Variants in NPIPA5 observed in about 807,000 individuals in gnomAD.
The protein encoded by NPIPA5 is nuclear pore complex-interacting protein family member A5.
NPIPA5 carries 6 observed loss-of-function variants against 21.4 expected under a neutral mutation model. The ratio of observed to expected loss-of-function variants is 0.28; its 90% CI spans 0.15 to 0.55. The LOEUF is 0.55. Among genes scored for constraint, NPIPA5 ranks in the 20% least tolerant of loss-of-function variants. NPIPA5 has a pLI of 0.93. For synonymous variants in NPIPA5, 33 were observed against 115.3 expected (o/e 0.29, Z 4.57); for missense variants, 99 against 318.2 (o/e 0.31, Z 5.24).
At chr16:15,379,308 A>T (rs62037841), upstream of NPIPA5, among the ~76,000 whole-genome samples, 7 of 151,990 alleles carry the variant, frequency 4.6e-5, no homozygotes, top group Admixed American at 2.0e-4. Flanking sequence ...GGTGGCTCAC[A>T]CCTGTAATCC....
chr16:15,380,653 T>A (rs4123762), upstream of NPIPA5, among the ~76,000 whole-genome samples: 75 of 151,770 alleles, frequency 4.9e-4, 1 homozygote, highest in South Asian at 4.2e-3. Flanking sequence ...ATAACCTTTT[T>A]AAGTGTCGTT....
At chr16:15,370,286 G>A (rs2050115302) in intron 2 of NPIPA5, among the ~76,000 whole-genome samples, 167 bp from the exon 3 acceptor site, 1 of 145,084 alleles carries the variant, frequency 6.9e-6, no homozygotes, top group Non-Finnish European at 1.5e-5. Context: ...AATTAGCCGG[G>A]CATGGCAGTG....
intron 1 of NPIPA5, among the ~76,000 whole-genome samples, chr16:15,377,713 G>GGGA (rs548977986): frequency 0.16 from 14,359 of 88,042 alleles, 1,591 homozygotes; most frequent in Non-Finnish European, 0.22. Context: ...GGGGCTGTTG[G>GGGA]GGAGGAGGAG....
At chr16:15,369,091 G>A (rs1332322057) in intron 4 of NPIPA5, among the ~76,000 whole-genome samples, 3 of 149,108 alleles carry the variant, frequency 2.0e-5, no homozygotes, top group African/African-American at 7.4e-5. Context: ...GGCAGAGGTT[G>A]CAGTGAGCCA....
chr16:15,372,697 C>A lies in NPIPA5; in HGVS notation c.192+1018G>T, dbSNP rs868259160. ...ACATACTTCCTCTTCCCTTGAATAT[C>A]AAAAAGCATTGTGGTATTAGTACTT... On this transcript the variant is annotated intron_variant, in intron 2 of 7. Coordinates refer to ENST00000360151, the MANE Select transcript of NPIPA5 (RefSeq NM_001277325.2). Among the ~76,000 whole-genome samples the A allele has an allele frequency of 4.8e-5, 7 of 145,964 alleles. 1 individual carries two copies. Among genetic ancestry groups the A allele is most frequent in the Non-Finnish European group, 7.5e-5 (5 of 66,282 alleles).
chr16:15,371,525 G>T (rs1032237727), intron 2 of NPIPA5, among the ~76,000 whole-genome samples: 2 of 147,040 alleles, frequency 1.4e-5, no homozygotes, highest in African/African-American at 4.9e-5. Context: ...CTTTTTTCTT[G>T]AGACGGAGTG....
At chr16:15,377,587 G>A (rs909977395) in intron 1 of NPIPA5, among the ~76,000 whole-genome samples, 11 of 140,440 alleles carry the variant, frequency 7.8e-5, no homozygotes, top group African/African-American at 2.6e-4. Flanking sequence ...AGGGCAGGGC[G>A]GAGGGAAGGG....
At chr16:15,369,527 A>G (rs1462171931) in intron 4 of NPIPA5, among the ~76,000 whole-genome samples, 185 bp downstream of exon 4, 1 of 152,072 alleles carries the variant, frequency 6.6e-6, no homozygotes, top group Non-Finnish European at 1.5e-5. Context: ...AAAATGACAA[A>G]CAAGATTGTA....
chr16:15,366,848 A>T, intron 4 of NPIPA5, 88 bp from the exon 5 acceptor site: 1 of 1,522,344 alleles, frequency 6.6e-7, no homozygotes, highest in Non-Finnish European at 8.7e-7. Flanking sequence ...TGTGATTCAA[A>T]GATCCCCCCT....
chr16:15,370,361 G>A lies in NPIPA5; in HGVS notation c.193-242C>T, dbSNP rs2050117531. 2.1e-5 allele frequency among the ~76,000 whole-genome samples: 3 copies of A among 140,858 alleles called. 1 individual carries two copies. The highest frequency in any genetic ancestry group is 5.2e-5 in the African/African-American group (2 of 38,764). The allele number at this position is 140,858 out of a possible 152,430, so 92.4% of individuals were successfully genotyped here. ...GAACCGTTTGAAGCTGGGAGGTGGA[G>A]GTTGCAGTGAGCCGAGATCACACCA... On this transcript the variant is annotated intron_variant, in intron 2 of 7. Transcript: ENST00000360151.
upstream of NPIPA5, among the ~76,000 whole-genome samples, chr16:15,379,027 C>A (rs1393334705): frequency 3.3e-5 from 5 of 150,394 alleles, no homozygotes; most frequent in Admixed American, 2.7e-4. Context: ...CCAGGACAGA[C>A]CCCCACTGTC....
At position 15,369,784 on chromosome 16, in the gene NPIPA5, C is replaced by G; in HGVS notation, c.365G>C (p.Arg122Pro). Residue 122 changes from arginine to proline, a missense_variant, in exon 4 of 8, where the codon CGT (arginine) becomes CCT (proline). Transcript: ENST00000360151. Reference protein sequence around the residue: ...QVETKVRAKIRKMKVTTKVNR... With the variant: ...QVETKVRAKIPKMKVTTKVNR... Reference sequence around the variant, plus strand: ...GACTTTTGTTGTCACCTTCATCTTACGGATTTTAGCTCGAACTTTGGTTTC... The same window carrying G: ...GACTTTTGTTGTCACCTTCATCTTAGGGATTTTAGCTCGAACTTTGGTTTC... 1.2e-6 allele frequency: 1 copy of G among 847,528 alleles called. No homozygotes were observed. The highest frequency in any genetic ancestry group is 1.7e-6 in the Non-Finnish European group (1 of 583,498). The allele number at this position is 847,528 out of a possible 1,614,324, so 52.5% of individuals were successfully genotyped here.
chr16:15,379,154 CCCTTTA>C (rs1393673287), upstream of NPIPA5, among the ~76,000 whole-genome samples: 1 of 152,208 alleles, frequency 6.6e-6, no homozygotes, highest in Non-Finnish European at 1.5e-5. Context: ...TGCTTTAAAT[CCCTTTA>C]CCATTTACTA....
chr16:15,376,474 G>A (rs1598405939), intron 1 of NPIPA5, among the ~76,000 whole-genome samples: 1 of 149,792 alleles, frequency 6.7e-6, no homozygotes, highest in Non-Finnish European at 1.5e-5. Context: ...GTTGCGGTGA[G>A]CTGATATTGG....
At chr16:15,370,527 G>T (rs1417541117) in intron 2 of NPIPA5, among the ~76,000 whole-genome samples, 1 of 146,832 alleles carries the variant, frequency 6.8e-6, no homozygotes. Context: ...CGAGGCAGGC[G>T]GAACACCTGA....
upstream of NPIPA5, chr16:15,381,135 G>T (rs953341065): frequency 1.6e-4 from 241 of 1,526,612 alleles, no homozygotes; most frequent in Non-Finnish European, 2.1e-4. Flanking sequence ...GAAAAACAAG[G>T]TGATGTTTGA....
In NPIPA5 at chr16:15,367,452, C is replaced by A. The variant is rs1015844225; in HGVS notation, c.438-692G>T. 3.9e-5 allele frequency among the ~76,000 whole-genome samples: 6 copies of A among 152,126 alleles called. No homozygotes were observed. In the East Asian group the frequency reaches 9.7e-4, roughly 25 times the overall value. On this transcript the variant is annotated intron_variant, in intron 4 of 7. Transcript: ENST00000360151. ...CCTGAAAATAGGTGACAACGGCAAA[C>A]CATCCACCCTGGTGTTGACTGACTT...
chr16:15,368,512 A>G (rs904079780), intron 4 of NPIPA5, among the ~76,000 whole-genome samples: 10 of 151,948 alleles, frequency 6.6e-5, no homozygotes, highest in South Asian at 2.1e-4. Context: ...ATACAATGTA[A>G]TATGACCAAA....
chr16:15,376,726 C>A lies in NPIPA5; in HGVS notation c.63+1506G>T, dbSNP rs373357897. On this transcript the variant is annotated intron_variant, in intron 1 of 7. Coordinates refer to ENST00000360151, the MANE Select transcript of NPIPA5 (RefSeq NM_001277325.2). The stretch of plus-strand genomic sequence containing the variant: ...GGTCAAGACATGGAGACTATCCTGG[C>A]GAACATGGTGAAACCCAGTCTCTAC... 1.1e-4 allele frequency among the ~76,000 whole-genome samples: 17 copies of A among 152,254 alleles called. No individual in the cohort carries two copies. The East Asian group carries it at 2.9e-3, about 26-fold the overall frequency.
Sources: gnomAD v4.1 joint callset for allele counts (sites outside exome capture counted in the v4.1 genomes callset) on GRCh38, gnomAD v4.1.1 for gene constraint, MANE v1.5 for transcripts, NCBI Gene and HGNC (gene_info 2026-07-23, HGNC 2026-07-21) for gene names.